Variants in NR5A2 observed in about 807,000 individuals in gnomAD.
NR5A2 encodes the protein CYP7A promoter-binding factor.
In NR5A2, 26 loss-of-function variants were observed where a neutral mutation model predicts 62.7. The observed-to-expected ratio is 0.41, with a 90% CI of 0.30 to 0.58. The LOEUF (loss-of-function observed/expected upper bound fraction) is 0.58, where lower values mean the gene tolerates loss of function less well. NR5A2 is among the 20% of genes least tolerant of loss of function. NR5A2 has a pLI of 0.22. For missense variants in NR5A2, 541 were observed against 669.1 expected (o/e 0.81, Z 2.11); for synonymous variants, 246 against 241.7 (o/e 1.02, Z -0.16).
chr1:200,069,033 A>T (rs1331307667), intron 5 of NR5A2, among the ~76,000 whole-genome samples: 1 of 152,180 alleles, frequency 6.6e-6, no homozygotes, highest in Non-Finnish European at 1.5e-5. Context: ...TCTCTGAGCT[A>T]AGTTCAGCAT....
intron 7 of NR5A2, among the ~76,000 whole-genome samples, chr1:200,160,333 C>T (rs768120603): frequency 2.6e-5 from 4 of 152,182 alleles, no homozygotes; most frequent in Admixed American, 1.3e-4. Context: ...TTCCAGTCAA[C>T]GGTTTATTCT....
chr1:200,141,762 G>A lies in NR5A2; in HGVS notation c.1378+20807G>A, dbSNP rs531088358. ...ATGTTTTAAATTTGGCCACTTCTTG[G>A]AAGATAGTTTAGGTGAATATAAAAC... On this transcript the variant is annotated intron_variant, in intron 7 of 7. Transcript: ENST00000367362. 2.0e-5 allele frequency among the ~76,000 whole-genome samples: 3 copies of A among 152,272 alleles called. No homozygotes were observed. In the South Asian group the frequency reaches 6.2e-4, roughly 32 times the overall value.
chr1:200,074,991 A>G (rs1553268754), intron 5 of NR5A2, among the ~76,000 whole-genome samples: 1 of 152,184 alleles, frequency 6.6e-6, no homozygotes, highest in Non-Finnish European at 1.5e-5. Context: ...TTTATAAACT[A>G]TATGTGTATT....
At chr1:200,146,853 ATTTAC>A (rs1172746038) in intron 7 of NR5A2, among the ~76,000 whole-genome samples, 2 of 152,170 alleles carry the variant, frequency 1.3e-5, no homozygotes, top group African/African-American at 2.4e-5. Flanking sequence ...TTACATAATA[ATTTAC>A]TTATCAAAAA....
At chr1:200,046,377 A>C (rs1305033347) in intron 4 of NR5A2, among the ~76,000 whole-genome samples, 1 of 152,202 alleles carries the variant, frequency 6.6e-6, no homozygotes, top group Non-Finnish European at 1.5e-5. Context: ...GCTGCTTTCT[A>C]GCCTCTGACC....
intron 5 of NR5A2, among the ~76,000 whole-genome samples, chr1:200,067,171 G>C (rs1371928554): frequency 2.2e-4 from 34 of 152,238 alleles, no homozygotes; most frequent in Admixed American, 2.1e-3. Context: ...ACGAGATCAT[G>C]TCTTTTGCAG....
intron 5 of NR5A2, among the ~76,000 whole-genome samples, chr1:200,052,918 G>A (rs1239604937): frequency 2.0e-5 from 3 of 152,146 alleles, no homozygotes; most frequent in Non-Finnish European, 4.4e-5. Context: ...GGGATTATAG[G>A]CATGAGCCAC....
At chr1:200,065,118 C>G (rs1426575075) in intron 5 of NR5A2, among the ~76,000 whole-genome samples, 1 of 151,098 alleles carries the variant, frequency 6.6e-6, no homozygotes, top group African/African-American at 2.4e-5. Context: ...TCTTTTTGAC[C>G]AGAAAGTTTT....
intron 7 of NR5A2, among the ~76,000 whole-genome samples, chr1:200,164,510 A>AT (rs1653801486): frequency 6.6e-6 from 1 of 151,434 alleles, no homozygotes; most frequent in Non-Finnish European, 1.5e-5. Flanking sequence ...ACAATGTAAA[A>AT]TTTACCATCT....
intron 5 of NR5A2, among the ~76,000 whole-genome samples, chr1:200,097,936 C>G (rs940453526): frequency 2.0e-5 from 3 of 152,208 alleles, no homozygotes; most frequent in Non-Finnish European, 4.4e-5. Context: ...TGCTAAAAAT[C>G]TAGCTAATGT....
At chr1:200,141,079 T>A (rs776158593) in intron 7 of NR5A2, among the ~76,000 whole-genome samples, 1 of 152,142 alleles carries the variant, frequency 6.6e-6, no homozygotes. Flanking sequence ...ATTGGTATAG[T>A]CTGTAGACTT....
Position 200,043,849 on chromosome 1 carries a change from T to C in NR5A2, c.278T>C (p.Val93Ala). ...EELCPVCGDKVSGYHYGLLTC... is the reference protein window; with the variant it reads ...EELCPVCGDKASGYHYGLLTC... ...CTTTGTCCCGTGTGTGGAGATAAAG[T>C]GTCTGGGTACCATTATGGGCTCCTC... The change falls in exon 3 of 8, where the codon GTG (valine) becomes GCG (alanine). Residue 93 changes from valine to alanine, a missense_variant. By Grantham distance (64) the Val-to-Ala change is moderately conservative. This residue lies in a region of NR5A2 where 54 missense variants were observed against 123.8 expected (regional missense o/e 0.44). Transcript: ENST00000367362. 4 of 1,613,888 alleles carry C rather than the reference T, an allele frequency of 2.5e-6. No individual in the cohort carries two copies. Among genetic ancestry groups the C allele is most frequent in the Non-Finnish European group, 3.4e-6 (4 of 1,179,820 alleles).
chr1:200,095,534 AG>A (rs1236530910), intron 5 of NR5A2, among the ~76,000 whole-genome samples: 1 of 152,034 alleles, frequency 6.6e-6, no homozygotes, highest in Admixed American at 6.6e-5. Flanking sequence ...TCTAAGTAAA[AG>A]TCCTTAACCA....
At chr1:200,152,887 T>C (rs973489789) in intron 7 of NR5A2, among the ~76,000 whole-genome samples, 1 of 152,224 alleles carries the variant, frequency 6.6e-6, no homozygotes, top group African/African-American at 2.4e-5. Flanking sequence ...AATTAGTCTT[T>C]GCTGGTTTCA....
At chr1:200,111,061 T>A in intron 5 of NR5A2, 141 bp from the exon 6 acceptor site, 1 of 870,838 alleles carries the variant, frequency 1.1e-6, no homozygotes, top group Non-Finnish European at 1.7e-6. Flanking sequence ...TCTGGGCACC[T>A]GTGCTTCAGT....
At chr1:200,170,076 A>T (rs1386841029) in intron 7 of NR5A2, among the ~76,000 whole-genome samples, 5 of 152,212 alleles carry the variant, frequency 3.3e-5, no homozygotes, top group Non-Finnish European at 7.3e-5. Flanking sequence ...ACTCCAGAAC[A>T]TGTAATCATT....
At chr1:200,104,998 T>C (rs1012676118) in intron 5 of NR5A2, among the ~76,000 whole-genome samples, 1 of 152,122 alleles carries the variant, frequency 6.6e-6, no homozygotes, top group Non-Finnish European at 1.5e-5. Flanking sequence ...TTTGCTCTGT[T>C]GCGCAGACTG....
intron 7 of NR5A2, among the ~76,000 whole-genome samples, chr1:200,145,021 T>C (rs1238522458): frequency 6.6e-6 from 1 of 152,076 alleles, no homozygotes; most frequent in Non-Finnish European, 1.5e-5. Context: ...CTTAAAAATA[T>C]TCAGAACTGG....
intron 7 of NR5A2, among the ~76,000 whole-genome samples, chr1:200,143,003 A>G (rs1407247983): frequency 4.6e-5 from 7 of 152,088 alleles, no homozygotes; most frequent in Non-Finnish European, 1.0e-4. Flanking sequence ...CCTTAGCAAT[A>G]TATATCTTGC....
Sources: gnomAD v4.1 joint callset for allele counts (sites outside exome capture counted in the v4.1 genomes callset) on GRCh38, gnomAD v4.1.1 for gene constraint, gnomAD v4.1.1 regional missense constraint, MANE v1.5 for transcripts, NCBI Gene and HGNC (gene_info 2026-07-23, HGNC 2026-07-21) for gene names.